Variants in GRIA3 observed in about 807,000 individuals in gnomAD.
The protein encoded by GRIA3 is glutamate ionotropic receptor AMPA type subunit 3, also known as glutamate receptor 3.
GRIA3 carries 3 observed loss-of-function variants against 63.0 expected under a neutral mutation model. That is an observed-to-expected ratio of 0.05 (90% CI 0.02 to 0.12). GRIA3 has a LOEUF of 0.12. GRIA3 is among the 10% of genes least tolerant of loss of function. The probability of loss-of-function intolerance (pLI) is 1.00; values close to 1 mark genes in which losing one functional copy is unlikely to be tolerated. For missense variants in GRIA3, 347 were observed against 700.9 expected (o/e 0.50, Z 5.70); for synonymous variants, 274 against 257.9 (o/e 1.06, Z -0.60).
intron 5 of GRIA3, among the ~76,000 whole-genome samples, chrX:123,384,684 T>C (rs2045344750): frequency 8.9e-6 from 1 of 112,337 alleles, no homozygotes; most frequent in Non-Finnish European, 1.9e-5. Context: ...GACTTTTTAA[T>C]AGCCATTCTG....
intron 3 of GRIA3, among the ~76,000 whole-genome samples, chrX:123,279,862 G>C (rs1307190106): frequency 9.0e-6 from 1 of 111,423 alleles, no homozygotes; most frequent in African/African-American, 3.3e-5. Context: ...TTAAGGTCTT[G>C]AAGTACCTCC....
intron 3 of GRIA3, among the ~76,000 whole-genome samples, chrX:123,288,500 C>A (rs949753022): frequency 2.7e-5 from 3 of 111,478 alleles, no homozygotes; most frequent in African/African-American, 9.8e-5. Context: ...GGGAGAAAAT[C>A]TTTGCAATCT....
At chrX:123,244,467 T>A (rs1264939858) in intron 2 of GRIA3, among the ~76,000 whole-genome samples, 1 of 112,782 alleles carries the variant, frequency 8.9e-6, no homozygotes, top group African/African-American at 3.2e-5. Flanking sequence ...TAGCTGCCTG[T>A]ATGGTAGGCT....
At chrX:123,371,740 T>C (rs767877641) in intron 5 of GRIA3, among the ~76,000 whole-genome samples, 1 of 111,780 alleles carries the variant, frequency 8.9e-6, no homozygotes, top group East Asian at 2.8e-4. Flanking sequence ...ATTAGATTTT[T>C]TTTCCTATAG....
chrX:123,318,693 T>A (rs906003319), intron 3 of GRIA3, among the ~76,000 whole-genome samples: 48 of 111,973 alleles, frequency 4.3e-4, no homozygotes, highest in African/African-American at 1.5e-3. Context: ...ATTCGACAAG[T>A]CTCTAGGAGG....
chrX:123,250,069 TA>T (rs969454619), intron 2 of GRIA3, among the ~76,000 whole-genome samples: 1 of 111,714 alleles, frequency 9.0e-6, no homozygotes, highest in African/African-American at 3.3e-5. Context: ...TGTGTTTGTA[TA>T]TTTTTTTAAA....
intron 2 of GRIA3, among the ~76,000 whole-genome samples, chrX:123,202,137 C>T (rs1167591514): frequency 8.9e-6 from 1 of 112,423 alleles, no homozygotes; most frequent in East Asian, 2.8e-4. Context: ...GGCATGCATA[C>T]AGCCCACGTC....
chrX:123,480,906 T>C (rs957197282), intron 14 of GRIA3, among the ~76,000 whole-genome samples: 4 of 111,651 alleles, frequency 3.6e-5, no homozygotes, highest in Admixed American at 9.5e-5. Context: ...CCTGCCCCCC[T>C]TCGCTCCCCT....
At chrX:123,237,939 C>T (rs762489394) in intron 2 of GRIA3, among the ~76,000 whole-genome samples, 6 of 111,697 alleles carry the variant, frequency 5.4e-5, no homozygotes, top group Admixed American at 1.9e-4. Flanking sequence ...TCAGCTGTTC[C>T]GTGTTGCTGC....
chrX:123,386,276 T>C, intron 5 of GRIA3, among the ~76,000 whole-genome samples: 1 of 112,166 alleles, frequency 8.9e-6, no homozygotes, highest in Non-Finnish European at 1.9e-5. Flanking sequence ...CTTTGCCCAC[T>C]TTTTAACGGG....
chrX:123,418,037 C>T, intron 11 of GRIA3: 1 of 332,284 alleles, frequency 3.0e-6, no homozygotes. Flanking sequence ...ATAAAGGCAA[C>T]ATTGCCACTA....
intron 2 of GRIA3, among the ~76,000 whole-genome samples, chrX:123,186,276 A>T (rs1192522576): frequency 9.0e-6 from 1 of 110,606 alleles, no homozygotes; most frequent in African/African-American, 3.3e-5. Context: ...TTCCTTCTCC[A>T]ACACTCTCTC....
chrX:123,465,181 C>A, intron 13 of GRIA3, 69 bp downstream of exon 13: 3 of 1,053,376 alleles, frequency 2.8e-6, no homozygotes, highest in Non-Finnish European at 4.0e-6. Flanking sequence ...ATTTTGTTGT[C>A]ATTTTCTTTC....
intron 5 of GRIA3, chrX:123,358,684 A>G (rs760602308): frequency 1.2e-4 from 13 of 111,777 alleles, no homozygotes; most frequent in Non-Finnish European, 2.1e-4. Flanking sequence ...TTCTGTAATT[A>G]ATTGTTGTTT....
chrX:123,310,142 T>C (rs770681924), intron 3 of GRIA3, among the ~76,000 whole-genome samples: 10 of 112,633 alleles, frequency 8.9e-5, no homozygotes, highest in South Asian at 7.4e-4. Context: ...TGATTTATAA[T>C]TAGATTCATT....
intron 4 of GRIA3, among the ~76,000 whole-genome samples, chrX:123,328,841 G>A (rs1030312786): frequency 1.8e-5 from 2 of 111,991 alleles, no homozygotes; most frequent in African/African-American, 6.5e-5. Context: ...TTATTCCAAT[G>A]ATCCAGTGAA....
chrX:123,478,076 T>C (rs1008203386), intron 13 of GRIA3, among the ~76,000 whole-genome samples: 3 of 111,693 alleles, frequency 2.7e-5, no homozygotes, highest in Non-Finnish European at 5.6e-5. Context: ...AATTGCCACA[T>C]TGCTGAGCCT....
At chrX:123,412,146 C>A (rs980739499) in intron 10 of GRIA3, among the ~76,000 whole-genome samples, 1 of 111,779 alleles carries the variant, frequency 8.9e-6, no homozygotes, top group African/African-American at 3.3e-5. Flanking sequence ...TTGAAAGTGA[C>A]CTCTCCCTTT....
At chrX:123,289,757 A>G (rs2044644300) in intron 3 of GRIA3, among the ~76,000 whole-genome samples, 1 of 109,907 alleles carries the variant, frequency 9.1e-6, no homozygotes, top group African/African-American at 3.3e-5. Context: ...ACCCTTACAC[A>G]TGACCACCCT....
Sources: gnomAD v4.1 joint callset for allele counts (sites outside exome capture counted in the v4.1 genomes callset) on GRCh38, gnomAD v4.1.1 for gene constraint, MANE v1.5 for transcripts, NCBI Gene and HGNC (gene_info 2026-07-23, HGNC 2026-07-21) for gene names.